ERBB4: variants seen among roughly 807,000 people sequenced by gnomAD.
ERBB4 encodes the protein receptor tyrosine-protein kinase erbB-4.
In ERBB4, 42 loss-of-function variants were observed where a neutral mutation model predicts 158.0. The ratio of observed to expected loss-of-function variants is 0.27; its 90% CI spans 0.21 to 0.34. ERBB4 has a LOEUF of 0.34. Ranked by LOEUF, ERBB4 falls within the 10% of genes least tolerant of loss-of-function variation. ERBB4 has a pLI of 1.00. For missense variants in ERBB4, 1,333 were observed against 1,624.1 expected, an observed-to-expected ratio of 0.82 and a Z score of 3.08; for synonymous variants, 583 against 558.7, an observed-to-expected ratio of 1.04 and a Z score of -0.61.
intron 2 of ERBB4, among the ~76,000 whole-genome samples, chr2:212,113,276 T>C (rs2079470494): frequency 6.6e-6 from 1 of 152,042 alleles, no homozygotes; most frequent in African/African-American, 2.4e-5. Flanking sequence ...CCTTAGTTTA[T>C]AAAGAGTAAC....
At chr2:212,380,411 G>A (rs2090464387) in intron 1 of ERBB4, among the ~76,000 whole-genome samples, 1 of 150,590 alleles carries the variant, frequency 6.6e-6, no homozygotes, top group Non-Finnish European at 1.5e-5. Flanking sequence ...CCAGGGACTT[G>A]AGTATCCATG....
At chr2:211,944,006 C>T (rs1490114057) in intron 3 of ERBB4, among the ~76,000 whole-genome samples, 1 of 149,906 alleles carries the variant, frequency 6.7e-6, no homozygotes, top group Admixed American at 6.7e-5. Flanking sequence ...TGAACACACA[C>T]TATTCTAATA....
intron 2 of ERBB4, among the ~76,000 whole-genome samples, chr2:212,078,766 ATAT>A (rs949240211): frequency 9.9e-5 from 15 of 151,680 alleles, no homozygotes; most frequent in African/African-American, 2.7e-4. Context: ...ACAACTATTA[ATAT>A]TAATATAATT....
At chr2:212,432,984 G>A (rs988922699) in intron 1 of ERBB4, among the ~76,000 whole-genome samples, 3 of 151,988 alleles carry the variant, frequency 2.0e-5, no homozygotes, top group Non-Finnish European at 4.4e-5. Flanking sequence ...ATATGAAGGG[G>A]TATCTAGTGC....
chr2:211,908,416 C>A (rs1175450770), intron 3 of ERBB4, among the ~76,000 whole-genome samples: 1 of 151,766 alleles, frequency 6.6e-6, no homozygotes, highest in Admixed American at 6.6e-5. Flanking sequence ...TACTATTATA[C>A]TTGGGGTTTC....
chr2:212,392,663 C>T (rs975134924), intron 1 of ERBB4, among the ~76,000 whole-genome samples: 4 of 151,988 alleles, frequency 2.6e-5, no homozygotes, highest in African/African-American at 9.7e-5. Flanking sequence ...AATGAGTTCC[C>T]GATCATCCTT....
At chr2:211,825,096 T>C (rs907567916) in intron 3 of ERBB4, among the ~76,000 whole-genome samples, 1 of 151,940 alleles carries the variant, frequency 6.6e-6, no homozygotes, top group African/African-American at 2.4e-5. Flanking sequence ...AGAACAGATA[T>C]AAATTTTTCC....
At chr2:212,293,768 A>C (rs559418089) in intron 1 of ERBB4, among the ~76,000 whole-genome samples, 3 of 145,034 alleles carry the variant, frequency 2.1e-5, no homozygotes, top group East Asian at 4.6e-4. Flanking sequence ...GAATTGCTTG[A>C]ACCTAGGAGA....
intron 3 of ERBB4, among the ~76,000 whole-genome samples, chr2:211,883,208 A>G (rs1382028125): frequency 1.3e-5 from 2 of 152,104 alleles, no homozygotes; most frequent in Non-Finnish European, 1.5e-5. Context: ...CAAAAAACCA[A>G]ACACCGCGTG....
At chr2:212,216,257 A>T (rs1157919927) in intron 1 of ERBB4, among the ~76,000 whole-genome samples, 2 of 151,316 alleles carry the variant, frequency 1.3e-5, no homozygotes, top group Non-Finnish European at 3.0e-5. Context: ...ATCCAATGAC[A>T]CCATTAGTAT....
chr2:211,890,086 T>C (rs1308915945), intron 3 of ERBB4, among the ~76,000 whole-genome samples: 243 of 85,978 alleles, frequency 2.8e-3, no homozygotes, highest in African/African-American at 0.012. Flanking sequence ...GAAGAGCAAC[T>C]CCAAGACACA....
At chr2:212,015,247 C>T (rs918079318) in intron 2 of ERBB4, among the ~76,000 whole-genome samples, 3 of 150,076 alleles carry the variant, frequency 2.0e-5, no homozygotes, top group Non-Finnish European at 3.0e-5. Flanking sequence ...GCCTGGGCAA[C>T]AGAGCGAGAC....
chr2:212,214,245 G>A (rs1216720332), intron 1 of ERBB4, among the ~76,000 whole-genome samples: 2 of 151,718 alleles, frequency 1.3e-5, no homozygotes, highest in African/African-American at 4.8e-5. Flanking sequence ...TATCTGCACT[G>A]CCCAATAGAG....
chr2:211,935,571 A>AT lies in ERBB4; in HGVS notation c.421+11858dup, dbSNP rs1232283970. Among the ~76,000 whole-genome samples, 6 of 152,210 alleles carry AT rather than the reference A, an allele frequency of 3.9e-5. No homozygotes were observed. The South Asian group carries it at 1.0e-3, about 26-fold the overall frequency. On this transcript the variant is annotated intron_variant, in intron 3 of 27. Coordinates refer to ENST00000342788, the MANE Select transcript of ERBB4 (RefSeq NM_005235.3). ...TTGATCCCAGACTGAGAGGTACACC[A>AT]TTAGCTTCTCTGGTTCTGAGGCCTT... is the stretch of plus-strand genomic sequence containing the variant.
intron 1 of ERBB4, among the ~76,000 whole-genome samples, chr2:212,213,196 C>A (rs1006090502): frequency 2.7e-5 from 4 of 146,358 alleles, no homozygotes; most frequent in African/African-American, 1.0e-4. Flanking sequence ...CCAGAATTTA[C>A]AAGGAACTTA....
rs190740846 is a variant in ERBB4, at chr2:212,312,272, T to C, written c.83-187369A>G. ...TCCTAACTTGTCTGCCTTCTCAATA[T>C]GAACATTGTAAAGTGAGACTACTCT... On this transcript the variant is annotated intron_variant, in intron 1 of 27. Coordinates refer to ENST00000342788, the MANE Select transcript of ERBB4 (RefSeq NM_005235.3). 5.8e-3 allele frequency among the ~76,000 whole-genome samples: 876 copies of C among 151,156 alleles called. 5 individuals are homozygous for C. Among genetic ancestry groups the C allele is most frequent in the Non-Finnish European group, 9.5e-3 (637 of 67,298 alleles).
intron 20 of ERBB4, among the ~76,000 whole-genome samples, chr2:211,476,254 T>C (rs1235626869): frequency 6.6e-6 from 1 of 152,076 alleles, no homozygotes; most frequent in Non-Finnish European, 1.5e-5. Context: ...GGTTGGAATG[T>C]ATGAAACCTT....
In ERBB4 at chr2:211,710,477, T is replaced by G. The variant is rs142895555; in HGVS notation, c.1124+1573A>C. ...ATATTGTCCCAGGTCTCCTATGCAA[T>G]GGGGCAAGGAGGGTAAGACAGCAAT... On this transcript the variant is annotated intron_variant, in intron 9 of 27. Coordinates refer to ENST00000342788, the MANE Select transcript of ERBB4 (RefSeq NM_005235.3). 4.3e-3 allele frequency among the ~76,000 whole-genome samples: 661 copies of G among 152,226 alleles called. 7 individuals are homozygous for G. Among genetic ancestry groups the G allele is most frequent in the Admixed American group, 0.026 (392 of 15,270 alleles).
At chr2:212,403,864 A>G (rs1285725753) in intron 1 of ERBB4, among the ~76,000 whole-genome samples, 1 of 152,052 alleles carries the variant, frequency 6.6e-6, no homozygotes, top group Admixed American at 6.6e-5. Context: ...TGTTCTTACT[A>G]CAATAAAATA....
Sources: allele counts gnomAD v4.1 joint callset (sites outside exome capture counted in the v4.1 genomes callset), GRCh38; gene constraint gnomAD v4.1.1; transcripts MANE v1.5; gene names NCBI Gene and HGNC (gene_info 2026-07-23, HGNC 2026-07-21).